The following SUMF1 variants were observed in gnomAD, a reference collection of about 807,000 sequenced individuals.
SUMF1 encodes formylglycine-generating enzyme.
SUMF1 carries 48 observed loss-of-function variants against 47.6 expected under a neutral mutation model. That is an observed-to-expected ratio of 1.01 (90% confidence interval 0.80 to 1.28). SUMF1 has a LOEUF of 1.28. SUMF1 is among the 50% of genes most tolerant of loss of function. The pLI is 0.00. For missense variants in SUMF1, 571 were observed against 485.4 expected (o/e 1.18, Z -1.66); for synonymous variants, 230 against 192.1 (o/e 1.20, Z -1.63).
At chr3:4,271,567 T>C (rs1023156215) in intron 8 of SUMF1, among the ~76,000 whole-genome samples, 1 of 152,158 alleles carries the variant, frequency 6.6e-6, no homozygotes, top group Non-Finnish European at 1.5e-5. Flanking sequence ...AGTGGCGTGA[T>C]GGCATCTCAC....
At chr3:4,418,245 C>A in intron 4 of SUMF1, 113 bp from the exon 5 acceptor site, 1 of 1,462,908 alleles carries the variant, frequency 6.8e-7, no homozygotes, top group South Asian at 1.2e-5. Context: ...ACACTGAGGT[C>A]ATCCTGGTCC....
rs920098694 is a variant in SUMF1 at position 4,113,264 on chromosome 3, C to T, written c.1015-44519G>A. Among the ~76,000 whole-genome samples the T allele has an allele frequency of 5.3e-5, 8 of 152,196 alleles. No homozygotes were observed. In the Middle Eastern group the frequency reaches 0.014, roughly 259 times the overall value. Reference sequence around the variant, plus strand: ...ATATTACAACCTGGGCATAGTAGCTCATACCTGTAATCTCAATACTTTGGG... The same window carrying T: ...ATATTACAACCTGGGCATAGTAGCTTATACCTGTAATCTCAATACTTTGGG... On this transcript the variant is annotated intron_variant and NMD_transcript_variant, in intron 8 of 12. Transcript: ENST00000448413.
intron 3 of SUMF1, among the ~76,000 whole-genome samples, chr3:4,428,496 G>C (rs1185507220): frequency 6.6e-6 from 1 of 152,056 alleles, no homozygotes; most frequent in Non-Finnish European, 1.5e-5. Context: ...TAAGACTACA[G>C]GCACATGCCA....
At chr3:4,126,294 A>G (rs1343121924) in intron 8 of SUMF1, among the ~76,000 whole-genome samples, 1 of 151,314 alleles carries the variant, frequency 6.6e-6, no homozygotes, top group Non-Finnish European at 1.5e-5. Flanking sequence ...TGTTCTACTT[A>G]TTCAAGTTTA....
chr3:4,325,868 A>G (rs1698934572), intron 8 of SUMF1, among the ~76,000 whole-genome samples: 2 of 152,306 alleles, frequency 1.3e-5, no homozygotes, highest in Non-Finnish European at 2.9e-5. Flanking sequence ...GCTAGAATCT[A>G]ACAGGTATAC....
intron 3 of SUMF1, among the ~76,000 whole-genome samples, chr3:4,431,411 A>C (rs1335215158): frequency 6.6e-6 from 1 of 152,212 alleles, no homozygotes; most frequent in Non-Finnish European, 1.5e-5. Context: ...CAAACCAATC[A>C]GCATGCATTC....
chr3:4,428,202 T>G, intron 3 of SUMF1, among the ~76,000 whole-genome samples: 1 of 152,110 alleles, frequency 6.6e-6, no homozygotes, highest in East Asian at 1.9e-4. Flanking sequence ...TACAAAAATG[T>G]TTGTACAAAT....
At chr3:4,054,815 C>T (rs1215696025) in intron 9 of SUMF1, among the ~76,000 whole-genome samples, 4 of 152,158 alleles carry the variant, frequency 2.6e-5, no homozygotes, top group Non-Finnish European at 5.9e-5. Flanking sequence ...TGCACCAGCA[C>T]TGTGCTAAGG....
intron 8 of SUMF1, among the ~76,000 whole-genome samples, chr3:4,115,748 A>G (rs994662102): frequency 1.3e-5 from 2 of 152,156 alleles, no homozygotes; most frequent in African/African-American, 2.4e-5. Context: ...TTTGAGTCCA[A>G]TTTCTGAATG....
intron 8 of SUMF1, among the ~76,000 whole-genome samples, chr3:4,136,025 A>G (rs1469268128): frequency 2.0e-5 from 3 of 152,160 alleles, no homozygotes; most frequent in Non-Finnish European, 4.4e-5. Flanking sequence ...AGGAACAATC[A>G]ATATTGTGAA....
At chr3:4,307,663 C>T (rs1398649004) in intron 8 of SUMF1, among the ~76,000 whole-genome samples, 5 of 152,124 alleles carry the variant, frequency 3.3e-5, no homozygotes, top group Non-Finnish European at 5.9e-5. Flanking sequence ...TGCATTTATT[C>T]CTAGCTCTTG....
At chr3:4,279,187 GATT>G (rs1697480381) in intron 8 of SUMF1, among the ~76,000 whole-genome samples, 1 of 152,240 alleles carries the variant, frequency 6.6e-6, no homozygotes, top group African/African-American at 2.4e-5. Flanking sequence ...TCATTTGACA[GATT>G]ATTAGTATTA....
At chr3:4,161,721 A>G (rs1254801814) in intron 8 of SUMF1, among the ~76,000 whole-genome samples, 1 of 152,080 alleles carries the variant, frequency 6.6e-6, no homozygotes, top group African/African-American at 2.4e-5. Flanking sequence ...GATCTAGGGC[A>G]GGTCCAGAAA....
At chr3:4,226,937 G>A (rs539991491) in intron 8 of SUMF1, among the ~76,000 whole-genome samples, 1 of 152,126 alleles carries the variant, frequency 6.6e-6, no homozygotes, top group East Asian at 1.9e-4. Flanking sequence ...CACTCTGGGG[G>A]CTAAAACACA....
chr3:4,366,013 A>T (rs2125188823), intron 8 of SUMF1, among the ~76,000 whole-genome samples: 1 of 151,852 alleles, frequency 6.6e-6, no homozygotes, highest in East Asian at 1.9e-4. Context: ...TGGGTTGAAA[A>T]TTCTTTTCTT....
intron 8 of SUMF1, among the ~76,000 whole-genome samples, chr3:4,230,261 A>G (rs1351964478): frequency 6.6e-6 from 1 of 152,068 alleles, no homozygotes; most frequent in Non-Finnish European, 1.5e-5. Context: ...TCAGAGTTAA[A>G]CTTCGCAGGT....
At chr3:4,034,651 A>T (rs1393565560) in intron 9 of SUMF1, among the ~76,000 whole-genome samples, 2 of 152,136 alleles carry the variant, frequency 1.3e-5, no homozygotes, top group Admixed American at 6.5e-5. Flanking sequence ...GAGGTAAGTC[A>T]GGAGGCATCA....
chr3:4,218,214 G>A (rs1309440285), intron 8 of SUMF1, among the ~76,000 whole-genome samples: 4 of 151,854 alleles, frequency 2.6e-5, no homozygotes, highest in Admixed American at 6.6e-5. Flanking sequence ...CCTGTCAACC[G>A]AACACCTTGA....
At chr3:4,440,290 C>T (rs564193259) in intron 3 of SUMF1, among the ~76,000 whole-genome samples, 1 of 148,572 alleles carries the variant, frequency 6.7e-6, no homozygotes, top group Non-Finnish European at 1.5e-5. Context: ...ATCTGACTTA[C>T]ATGTGTTTTG....
Sources: allele counts gnomAD v4.1 joint callset (sites outside exome capture counted in the v4.1 genomes callset), GRCh38; gene constraint gnomAD v4.1.1; transcripts MANE v1.5; gene names NCBI Gene and HGNC (gene_info 2026-07-23, HGNC 2026-07-21).